TFB1M: variants seen among roughly 807,000 people sequenced by gnomAD.
The protein encoded by TFB1M is dimethyladenosine transferase 1, mitochondrial.
A neutral mutation model predicts 31.1 loss-of-function variants in TFB1M; 27 were observed. That is an observed-to-expected ratio of 0.87 (90% CI 0.64 to 1.20). The LOEUF (loss-of-function observed/expected upper bound fraction) is 1.20, where lower values mean the gene tolerates loss of function less well. TFB1M is among the 50% of genes most tolerant of loss of function. TFB1M has a pLI of 0.00. For synonymous variants in TFB1M, 166 were observed against 151.8 expected (o/e 1.09, Z -0.69); for missense variants, 394 against 418.7 (o/e 0.94, Z 0.51).
intron 2 of TFB1M, among the ~76,000 whole-genome samples, chr6:155,304,496 T>G (rs997877641): frequency 8.5e-5 from 13 of 152,178 alleles, no homozygotes; most frequent in Admixed American, 7.9e-4. Context: ...AACAAAATTT[T>G]CAGACATTAG....
At chr6:155,247,956 A>G in the TFB1M span, 1 of 1,572,568 alleles carries the variant, frequency 6.4e-7, no homozygotes, top group East Asian at 2.3e-5. Context: ...AATTTAATTC[A>G]CCCCACTGTG....
chr6:155,307,172 C>CACACAT (rs1230891943), intron 2 of TFB1M, among the ~76,000 whole-genome samples: 2 of 150,786 alleles, frequency 1.3e-5, no homozygotes, highest in African/African-American at 4.9e-5. Flanking sequence ...CACACATATA[C>CACACAT]ACACAGACAA....
downstream of TFB1M, among the ~76,000 whole-genome samples, chr6:155,251,538 C>T (rs1783654361): frequency 6.6e-6 from 1 of 152,168 alleles, no homozygotes. Context: ...CCACCTGCCT[C>T]AGCCTCCTGG....
At chr6:155,291,938 T>C (rs111627095) in intron 4 of TFB1M, among the ~76,000 whole-genome samples, 9 of 152,220 alleles carry the variant, frequency 5.9e-5, no homozygotes, top group Admixed American at 5.2e-4. Flanking sequence ...GTAGAGTCTA[T>C]TGATTTCAAA....
At chr6:155,286,990 T>C (rs1212251956) in intron 4 of TFB1M, among the ~76,000 whole-genome samples, 5 of 152,094 alleles carry the variant, frequency 3.3e-5, no homozygotes, top group African/African-American at 4.8e-5. Flanking sequence ...TAATAGAATA[T>C]ATAAGGCAAC....
chr6:155,293,673 T>C (rs2114767406), intron 4 of TFB1M, among the ~76,000 whole-genome samples: 1 of 152,334 alleles, frequency 6.6e-6, no homozygotes, highest in South Asian at 2.1e-4. Context: ...GACCTTGAGA[T>C]TCTCAGTTAG....
At chr6:155,246,898 C>G in the TFB1M span, among the ~76,000 whole-genome samples, 1 of 152,242 alleles carries the variant, frequency 6.6e-6, no homozygotes. Context: ...TTCAGAGTAG[C>G]TGCATTCCAA....
chr6:155,247,872 G>T, the TFB1M span: 2 of 1,203,112 alleles, frequency 1.7e-6, no homozygotes, highest in African/African-American at 1.5e-5. Flanking sequence ...TGATGTGTTG[G>T]GGTTTTCATT....
rs148747302 is a variant in TFB1M at position 155,256,476 on chromosome 6, C to T, written c.*1360G>A. 2.2e-3 allele frequency: 3,498 copies of T among 1,614,060 alleles called. 9 individuals are homozygous for T. The highest frequency in any genetic ancestry group is 2.8e-3 in the Non-Finnish European group (3,299 of 1,180,036). On this transcript the variant is annotated 3_prime_UTR_variant, in exon 7 of 7. Transcript: ENST00000367166. ...GTATCACAGCGAAATGTGTTTTTCT[C>T]ACTGTAGCTTCATCCAGGTCTTTAA...
chr6:155,251,252 C>G (rs1309898666), downstream of TFB1M, among the ~76,000 whole-genome samples: 2 of 152,208 alleles, frequency 1.3e-5, no homozygotes, highest in Non-Finnish European at 2.9e-5. Context: ...GTTACAGGAA[C>G]AGATCCCTGC....
At chr6:155,306,347 G>A (rs2114806926) in intron 2 of TFB1M, among the ~76,000 whole-genome samples, 1 of 152,238 alleles carries the variant, frequency 6.6e-6, no homozygotes, top group East Asian at 1.9e-4. Context: ...TTCTACACAG[G>A]ACCCGGATAT....
intron 5 of TFB1M, among the ~76,000 whole-genome samples, chr6:155,263,077 G>C (rs1376434947): frequency 6.6e-6 from 1 of 152,032 alleles, no homozygotes; most frequent in Non-Finnish European, 1.5e-5. Context: ...CCTGCTTCTG[G>C]GACGGCCAGG....
chr6:155,254,530 C>G, downstream of TFB1M: 2 of 1,614,006 alleles, frequency 1.2e-6, no homozygotes, highest in Middle Eastern at 1.7e-4. Context: ...GTAAGGATCG[C>G]CTGGTACCTC....
chr6:155,239,137 T>C, the TFB1M span, among the ~76,000 whole-genome samples: 1 of 152,202 alleles, frequency 6.6e-6, no homozygotes, highest in Non-Finnish European at 1.5e-5. Flanking sequence ...ATTATGTGAA[T>C]ATTAAGAGAT....
chr6:155,288,362 C>T (rs1461698407), intron 4 of TFB1M, among the ~76,000 whole-genome samples: 1 of 151,964 alleles, frequency 6.6e-6, no homozygotes, highest in East Asian at 1.9e-4. Context: ...AAATGTAAAA[C>T]CAAGACACAT....
the TFB1M span, among the ~76,000 whole-genome samples, chr6:155,246,700 A>G: frequency 6.6e-6 from 1 of 152,166 alleles, no homozygotes; most frequent in African/African-American, 2.4e-5. Flanking sequence ...TTGTCAATAC[A>G]TATTGACAGT....
downstream of TFB1M, chr6:155,252,827 A>C: frequency 1.2e-6 from 1 of 808,206 alleles, no homozygotes; most frequent in East Asian, 2.6e-5. Flanking sequence ...TGCCCTGAAC[A>C]CCCACATGGC....
the TFB1M span, among the ~76,000 whole-genome samples, chr6:155,247,736 C>T: frequency 6.6e-6 from 1 of 152,186 alleles, no homozygotes; most frequent in Non-Finnish European, 1.5e-5. Flanking sequence ...GACATTCCTG[C>T]ATTTTGAGTC....
At chr6:155,295,617 T>C (rs1203516187) in intron 4 of TFB1M, among the ~76,000 whole-genome samples, 1 of 151,974 alleles carries the variant, frequency 6.6e-6, no homozygotes, top group African/African-American at 2.4e-5. Flanking sequence ...GATTCAGGAG[T>C]GCCCTTTATT....
Sources: allele counts gnomAD v4.1 joint callset (sites outside exome capture counted in the v4.1 genomes callset), GRCh38; gene constraint gnomAD v4.1.1; transcripts MANE v1.5; gene names NCBI Gene and HGNC (gene_info 2026-07-23, HGNC 2026-07-21).